WWOX: variants seen among roughly 807,000 people sequenced by gnomAD.
WWOX encodes WW domain-containing oxidoreductase.
Under a neutral mutation model 46.2 loss-of-function variants are expected in WWOX, and 69 were observed. The observed-to-expected ratio is 1.49, with a 90% CI of 1.23 to 1.82. The LOEUF (loss-of-function observed/expected upper bound fraction) is 1.82, where lower values mean the gene tolerates loss of function less well. Ranked by LOEUF, WWOX falls within the 40% of genes most tolerant of loss-of-function variation. The pLI is 0.00. For synonymous variants in WWOX, 359 were observed against 202.6 expected (o/e 1.77, Z -6.56); for missense variants, 919 against 542.6 (o/e 1.69, Z -6.89).
intron 8 of WWOX, among the ~76,000 whole-genome samples, chr16:78,517,805 G>A (rs1022737317): frequency 3.6e-5 from 5 of 137,620 alleles, no homozygotes; most frequent in South Asian, 2.3e-4. Flanking sequence ...GAGTGATGTC[G>A]TTTTATATAA....
chr16:78,217,643 T>C lies in WWOX; in HGVS notation c.516+53354T>C, dbSNP rs539284449. Among the ~76,000 whole-genome samples the C allele has an allele frequency of 1.3e-4, 20 of 152,146 alleles. No homozygotes were observed. The South Asian group carries it at 4.0e-3, about 30-fold the overall frequency. On this transcript the variant is annotated intron_variant, in intron 5 of 8. Coordinates refer to ENST00000566780, the MANE Select transcript of WWOX (RefSeq NM_016373.4). ...GCTCAGAAGAGAAATCTATTGAAAG[T>C]TACTAGGTGCCAGGTGTCTCGGAAA...
intron 8 of WWOX, among the ~76,000 whole-genome samples, chr16:78,744,818 G>C (rs1308073052): frequency 6.6e-6 from 1 of 152,164 alleles, no homozygotes. Flanking sequence ...AAACTGGTTG[G>C]TTGGCCTGAA....
chr16:78,839,152 A>G (rs183233898), intron 8 of WWOX, among the ~76,000 whole-genome samples: 6 of 152,334 alleles, frequency 3.9e-5, no homozygotes, highest in Admixed American at 2.6e-4. Flanking sequence ...TTAAAATCAA[A>G]TAACTGCTTA....
chr16:78,736,753 C>G (rs1205128606), intron 8 of WWOX, among the ~76,000 whole-genome samples: 4 of 152,050 alleles, frequency 2.6e-5, no homozygotes, highest in African/African-American at 4.8e-5. Flanking sequence ...GCGCATGCCT[C>G]CACATCTGAC....
intron 8 of WWOX, among the ~76,000 whole-genome samples, chr16:78,842,137 T>C (rs996915128): frequency 6.6e-6 from 1 of 152,120 alleles, no homozygotes; most frequent in Non-Finnish European, 1.5e-5. Flanking sequence ...TCTCTTAAAG[T>C]AATCCAGGAG....
chr16:78,476,634 C>A (rs1031489478), intron 8 of WWOX, among the ~76,000 whole-genome samples: 1 of 150,868 alleles, frequency 6.6e-6, no homozygotes, highest in African/African-American at 2.4e-5. Flanking sequence ...AAAAAAAGAA[C>A]TGGAGCATCG....
intron 5 of WWOX, among the ~76,000 whole-genome samples, chr16:78,194,829 T>G (rs2035997629): frequency 6.6e-6 from 1 of 152,148 alleles, no homozygotes; most frequent in Non-Finnish European, 1.5e-5. Context: ...TCTACTCTTT[T>G]TATTCTTAGC....
chr16:78,816,708 A>C (rs1189670795), intron 8 of WWOX, among the ~76,000 whole-genome samples: 1 of 152,036 alleles, frequency 6.6e-6, no homozygotes, highest in East Asian at 1.9e-4. Flanking sequence ...TAAAATGTAG[A>C]GTATCATCTA....
chr16:78,707,169 T>G lies in WWOX; in HGVS notation c.1056+274417T>G, dbSNP rs540605463. On this transcript the variant is annotated intron_variant, in intron 8 of 8. Transcript: ENST00000566780. ...AATAATCTTAGTGTTAAAGGGTTTA[T>G]TTTTATTTTTCTACCTTCTTTTACC... 1.1e-4 allele frequency among the ~76,000 whole-genome samples: 17 copies of G among 152,338 alleles called. 1 individual carries two copies. Among genetic ancestry groups the G allele is most frequent in the African/African-American group, 3.6e-4 (15 of 41,578 alleles).
chr16:78,575,014 TA>T (rs2044820138), intron 8 of WWOX, among the ~76,000 whole-genome samples: 1 of 11,846 alleles, frequency 8.4e-5, no homozygotes, highest in Non-Finnish European at 1.3e-4. Context: ...TATATATATA[TA>T]TATATAAATA....
chr16:78,247,501 G>A (rs985291606), intron 5 of WWOX, among the ~76,000 whole-genome samples: 1 of 152,072 alleles, frequency 6.6e-6, no homozygotes, highest in African/African-American at 2.4e-5. Context: ...TGACCAGGGA[G>A]GTAACACATG....
intron 8 of WWOX, among the ~76,000 whole-genome samples, chr16:78,811,459 C>T (rs969604977): frequency 6.6e-6 from 1 of 151,956 alleles, no homozygotes; most frequent in Non-Finnish European, 1.5e-5. Context: ...CTTTCCCTTT[C>T]CTTTCTCCTC....
chr16:78,861,169 C>T (rs1166712877), intron 8 of WWOX, among the ~76,000 whole-genome samples: 8 of 152,054 alleles, frequency 5.3e-5, no homozygotes, highest in Admixed American at 5.2e-4. Context: ...TCTCTTTCTT[C>T]CTCTCTTTGC....
At chr16:78,104,884 TA>T (rs1352463638) in intron 1 of WWOX, among the ~76,000 whole-genome samples, 3 of 152,232 alleles carry the variant, frequency 2.0e-5, no homozygotes, top group Admixed American at 2.0e-4. Flanking sequence ...TGTCCCCATC[TA>T]AACTGTTGAG....
At chr16:79,111,291 T>A (rs2049411650) in intron 8 of WWOX, among the ~76,000 whole-genome samples, 1 of 152,246 alleles carries the variant, frequency 6.6e-6, no homozygotes, top group Non-Finnish European at 1.5e-5. Flanking sequence ...GATTCCTTTT[T>A]CTCATTGTTT....
At chr16:78,325,144 A>G (rs757029587) in intron 5 of WWOX, among the ~76,000 whole-genome samples, 59 of 152,138 alleles carry the variant, frequency 3.9e-4, no homozygotes, top group Non-Finnish European at 8.1e-4. Context: ...TTAAAGCTAG[A>G]AGGCACTGCT....
At chr16:78,952,991 C>T (rs78295355) in intron 8 of WWOX, among the ~76,000 whole-genome samples, 1 of 150,216 alleles carries the variant, frequency 6.7e-6, no homozygotes, top group African/African-American at 2.4e-5. Flanking sequence ...TGAAAAATCA[C>T]GCATTTCTCT....
intron 8 of WWOX, among the ~76,000 whole-genome samples, chr16:78,996,790 G>C (rs1182699525): frequency 1.3e-5 from 2 of 152,094 alleles, no homozygotes; most frequent in Non-Finnish European, 2.9e-5. Context: ...GCCTCGTATG[G>C]AAAACACCCA....
chr16:78,629,093 T>A (rs1597369932), intron 8 of WWOX, among the ~76,000 whole-genome samples: 1 of 152,338 alleles, frequency 6.6e-6, no homozygotes. Flanking sequence ...AATGTGAATG[T>A]AAGTAGATTT....
Sources: allele counts gnomAD v4.1 joint callset (sites outside exome capture counted in the v4.1 genomes callset), GRCh38; gene constraint gnomAD v4.1.1; transcripts MANE v1.5; gene names NCBI Gene and HGNC (gene_info 2026-07-23, HGNC 2026-07-21).